The following LRRC47 variants were observed in gnomAD, a reference collection of about 807,000 sequenced individuals.
LRRC47 encodes leucine-rich repeat-containing protein 47.
In LRRC47, 31 loss-of-function variants were observed where a neutral mutation model predicts 40.9. The observed-to-expected ratio is 0.76, with a 90% CI of 0.57 to 1.02. LRRC47 has a LOEUF of 1.02. Among genes scored for constraint, LRRC47 ranks in the 50% least tolerant of loss-of-function variants. The pLI is 0.00. For synonymous variants in LRRC47, 427 were observed against 371.9 expected (o/e 1.15, Z -1.70); for missense variants, 726 against 796.1 (o/e 0.91, Z 1.06).
At chr1:3,786,200 T>A (rs919767935) in intron 2 of LRRC47, among the ~76,000 whole-genome samples, 1 of 152,218 alleles carries the variant, frequency 6.6e-6, no homozygotes, top group East Asian at 1.9e-4. Context: ...AATAAAGCTA[T>A]CCAGAAATTA....
chr1:3,781,165 C>T lies in LRRC47; in HGVS notation c.1675G>A (p.Glu559Lys), dbSNP rs202080866. Residue 559 changes from glutamate to lysine, a missense_variant, in exon 7 of 7, where the codon GAA becomes AAA. Glu to Lys is a moderately conservative substitution (Grantham distance 56, BLOSUM62 1). Coordinates refer to ENST00000378251, the MANE Select transcript of LRRC47 (RefSeq NM_020710.3). ...GGGTACACCACCTTCAGGCTCCCTT[C>T]CAGATCCACCACCCGGACCTGCTCC... ...VVEQVRVVDLEGSLKVVYPSK... is the reference protein window; with the variant it reads ...VVEQVRVVDLKGSLKVVYPSK... 28 of 1,614,178 alleles carry T rather than the reference C, an allele frequency of 1.7e-5. No homozygotes were observed. The Admixed American group carries it at 4.2e-4, about 24-fold the overall frequency.
In LRRC47 at chr1:3,786,987, G is replaced by T. The variant is rs766626884; in HGVS notation, c.939C>A (p.His313Gln). ...TCAGAGGTACGGGGTTTTCAGAGAC[G>T]TGCAGGACCCTGAGCAGCAGCCGGC... ...DAGRLLLRVLHVSENPVPLTV... is the reference protein window; with the variant it reads ...DAGRLLLRVLQVSENPVPLTV... The change falls in exon 2 of 7, where the codon CAC becomes CAA. Residue 313 changes from histidine to glutamine, a missense_variant. Transcript: ENST00000378251. The T allele has an allele frequency of 1.9e-6, 3 of 1,611,830 alleles. No homozygotes were observed. The highest frequency in any genetic ancestry group is 2.5e-6 in the Non-Finnish European group (3 of 1,179,190).
At chr1:3,785,299 A>C in intron 2 of LRRC47, 96 bp from the exon 3 acceptor site, 2 of 850,108 alleles carry the variant, frequency 2.4e-6, no homozygotes, top group South Asian at 2.4e-5. Flanking sequence ...GTGCCAGGAA[A>C]CCCTCCCGGT....
chr1:3,778,925 TG>T lies in LRRC47; in HGVS notation c.*2162del. ...CCAGAACTCCAGCAGAGTCCTGGCC[TG>T]GGGAAGCCCCCGTGCCGCCTCAAGC... is the stretch of plus-strand genomic sequence containing the variant. On this transcript the variant is annotated 3_prime_UTR_variant, in exon 7 of 7. Transcript: ENST00000378251. 6.6e-6 allele frequency: 1 copy of T among 152,430 alleles called. No individual in the cohort carries two copies. The highest frequency in any genetic ancestry group is 1.5e-5 in the Non-Finnish European group (1 of 68,108). The allele number at this position is 152,430 out of a possible 1,614,324, so 9.4% of individuals were successfully genotyped here.
rs886801941 is a variant in LRRC47, at chr1:3,796,438, C to A, written c.39G>T (p.Leu13=). 36 of 1,522,488 alleles carry A rather than the reference C, an allele frequency of 2.4e-5. No individual in the cohort carries two copies. Among genetic ancestry groups the A allele is most frequent in the South Asian group, 8.4e-5 (7 of 83,276 alleles). The allele number at this position is 1,522,488 out of a possible 1,614,324, so 94.3% of individuals were successfully genotyped here. A position where few individuals can be genotyped will look rare whatever the true frequency, so the allele number is the denominator to read the frequency against. Residue 13 remains leucine, a synonymous_variant, in exon 1 of 7, where the codon CTG becomes CTT. Coordinates refer to ENST00000378251, the MANE Select transcript of LRRC47 (RefSeq NM_020710.3). The stretch of plus-strand genomic sequence containing the variant: ...GCCGCCGCTCGCGCTCAGCCAGCTC[C>A]AGCTCCGGCCAAGACTCTGACACCG... The part of the protein sequence containing the change: ...AAAVSESWPE[L]ELAERERRRE...
chr1:3,795,560 A>G (rs1643665475), intron 1 of LRRC47, among the ~76,000 whole-genome samples: 1 of 152,256 alleles, frequency 6.6e-6, no homozygotes, highest in Non-Finnish European at 1.5e-5. Context: ...TCTACAGGAG[A>G]AGCCAGGTTT....
chr1:3,789,483 G>A (rs1643607639), intron 1 of LRRC47, among the ~76,000 whole-genome samples: 1 of 152,274 alleles, frequency 6.6e-6, no homozygotes, highest in Non-Finnish European at 1.5e-5. Context: ...CCCAGGAGCA[G>A]CAGCAGAGGC....
intron 4 of LRRC47, 65 bp downstream of exon 4, chr1:3,783,931 T>C (rs1411646798): frequency 7.3e-7 from 1 of 1,376,766 alleles, no homozygotes; most frequent in Non-Finnish European, 1.0e-6. Flanking sequence ...ACAGACTAAC[T>C]CAGCTGAGGC....
Position 3,781,147 on chromosome 1 carries a change from C to T in LRRC47, c.1693G>A (p.Val565Met), listed in dbSNP as rs1328215190. The change falls in exon 7 of 7, where the codon GTG becomes ATG. Residue 565 changes from valine (V) to methionine (M), a missense_variant. By Grantham distance (21) the Val-to-Met change is conservative (BLOSUM62 1). Transcript: ENST00000378251. ...VVDLEGSLKV[V>M]YPSKADLATA... is the part of the protein sequence containing the mutation. The stretch of plus-strand genomic sequence containing the variant: ...GCCAGGTCGGCCTTGGACGGGTACA[C>T]CACCTTCAGGCTCCCTTCCAGATCC... 1 of 1,614,028 alleles carries T rather than the reference C, an allele frequency of 6.2e-7. No homozygotes were observed. Among genetic ancestry groups the T allele is most frequent in the African/African-American group, 1.3e-5 (1 of 74,926 alleles).
In LRRC47 at chr1:3,781,454, GA is replaced by G. The variant is rs963701343; in HGVS notation, c.1503+57del. 79 of 1,582,250 alleles carry G rather than the reference GA, an allele frequency of 5.0e-5. No individual in the cohort carries two copies. In the African/African-American group the frequency reaches 9.6e-4, roughly 19 times the overall value. ...CAAGCAGGACGGGTGGGAAGTCAAG[GA>G]GCAGAGCACCACTCACGCTCAAAAG... On this transcript the variant is annotated intron_variant, in intron 6 of 6. Coordinates refer to ENST00000378251, the MANE Select transcript of LRRC47 (RefSeq NM_020710.3).
intron 1 of LRRC47, among the ~76,000 whole-genome samples, chr1:3,787,886 A>ATTTCCCCTTTC (rs1643591350): frequency 6.6e-6 from 1 of 152,234 alleles, no homozygotes; most frequent in Non-Finnish European, 1.5e-5. Context: ...GGGAAAGCCG[A>ATTTCCCCTTTC]CTTCAACGGC....
chr1:3,786,731 C>T (rs1308543141), intron 2 of LRRC47, 118 bp downstream of exon 2: 26 of 963,608 alleles, frequency 2.7e-5, no homozygotes, highest in South Asian at 3.5e-5. Flanking sequence ...CACAGACACC[C>T]GGCTGGGCCC....
rs1016468954 is a variant in LRRC47 at position 3,796,388 on chromosome 1, C to G, written c.89G>C (p.Gly30Ala). Residue 30 changes from glycine (G) to alanine (A), a missense_variant, in exon 1 of 7, where the codon GGG becomes GCG. Transcript: ENST00000378251. ...RRRELLLTGP[G>A]LEERVRAAGG... ...CGCCGCCCGCACTCGCTCCTCCAGC[C>G]CGGGCCCCGTCAGCAGCAGCTCCCG... 9.2e-6 allele frequency: 14 copies of G among 1,515,844 alleles called. No homozygotes were observed. The African/African-American group carries it at 1.9e-4, about 20-fold the overall frequency. 93.9% of individuals were successfully genotyped at this position (1,515,844 alleles called of 1,614,324 possible).
At chr1:3,790,844 C>T (rs1324594792) in intron 1 of LRRC47, among the ~76,000 whole-genome samples, 1 of 152,122 alleles carries the variant, frequency 6.6e-6, no homozygotes, top group Admixed American at 6.5e-5. Flanking sequence ...GGCCGAGCTG[C>T]TTCCATTTGC....
Position 3,787,158 on chromosome 1 carries a change from C to T in LRRC47, c.768G>A (p.Glu256=). Residue 256 remains glutamate, a synonymous_variant, in exon 2 of 7, where the codon GAG becomes GAA. Transcript: ENST00000378251. ...VSGCQTRSIL[E]YLRVGGRGGG... is the part of the protein sequence containing the mutation. ...CACCACGGCCTCCGACGCGCAGGTA[C>T]TCCAGGATGGATCTGGTCTGGCAGC... 6.2e-7 allele frequency: 1 copy of T among 1,613,916 alleles called. No individual in the cohort carries two copies. The highest frequency in any genetic ancestry group is 8.5e-7 in the Non-Finnish European group (1 of 1,180,034).
At chr1:3,782,350 C>T (rs1006667269) in intron 5 of LRRC47, among the ~76,000 whole-genome samples, 4 of 152,128 alleles carry the variant, frequency 2.6e-5, no homozygotes, top group African/African-American at 9.7e-5. Context: ...TCCTGAGTAG[C>T]TGAGACTACA....
chr1:3,782,115 A>AG (rs1364871482), intron 5 of LRRC47, among the ~76,000 whole-genome samples: 1 of 152,200 alleles, frequency 6.6e-6, no homozygotes, highest in African/African-American at 2.4e-5. Flanking sequence ...CTGAGAAGCC[A>AG]GGGGGCCCTT....
intron 1 of LRRC47, among the ~76,000 whole-genome samples, chr1:3,790,591 A>C (rs1643617902): frequency 6.6e-6 from 1 of 152,212 alleles, no homozygotes; most frequent in Admixed American, 6.5e-5. Context: ...CAGCAGCGGG[A>C]AGCAGCCAGG....
chr1:3,788,986 T>A (rs1643602847), intron 1 of LRRC47, among the ~76,000 whole-genome samples: 1 of 152,218 alleles, frequency 6.6e-6, no homozygotes, highest in African/African-American at 2.4e-5. Flanking sequence ...CTGCCACAAT[T>A]CTGTGCTTCT....
Sources: gnomAD v4.1 joint callset for allele counts (sites outside exome capture counted in the v4.1 genomes callset) on GRCh38, gnomAD v4.1.1 for gene constraint, MANE v1.5 for transcripts, NCBI Gene and HGNC (gene_info 2026-07-23, HGNC 2026-07-21) for gene names.